The following DOCK11 variants were observed in gnomAD, a reference collection of about 807,000 sequenced individuals.
DOCK11 encodes the protein dedicator of cytokinesis protein 11.
DOCK11 carries 70 observed loss-of-function variants against 169.1 expected under a neutral mutation model. The ratio of observed to expected loss-of-function variants is 0.41; its 90% CI spans 0.34 to 0.51. DOCK11 has a LOEUF of 0.51. DOCK11 is among the 20% of genes least tolerant of loss of function. DOCK11 has a pLI of 0.10. For missense variants in DOCK11, 1,166 were observed against 1,538.8 expected, an observed-to-expected ratio of 0.76 and a Z score of 4.05; for synonymous variants, 529 against 541.3, an observed-to-expected ratio of 0.98 and a Z score of 0.32.
chrX:118,608,184 GAC>G (rs2014583466), intron 25 of DOCK11, 43 bp downstream of exon 25: 1 of 1,191,802 alleles, frequency 8.4e-7, no homozygotes. Flanking sequence ...TGTTTTATGT[GAC>G]AATTTTGTCT....
At chrX:118,598,303 G>A (rs1331164717) in intron 22 of DOCK11, among the ~76,000 whole-genome samples, 187 bp downstream of exon 22, 1 of 110,183 alleles carries the variant, frequency 9.1e-6, no homozygotes, top group Admixed American at 9.7e-5. Context: ...TAAGGCAGGA[G>A]GATTGCTTGA....
chrX:118,547,298 C>T (rs1356865927), intron 6 of DOCK11, among the ~76,000 whole-genome samples: 1 of 111,605 alleles, frequency 9.0e-6, no homozygotes, highest in East Asian at 2.8e-4. Context: ...GGGTATCTAC[C>T]AAGGGAAGAC....
intron 42 of DOCK11, 144 bp downstream of exon 42, chrX:118,652,221 A>G (rs188496520): frequency 7.1e-5 from 29 of 405,624 alleles, no homozygotes; most frequent in African/African-American, 6.3e-4. Flanking sequence ...TTTGTCTTAT[A>G]CATCACTATA....
chrX:118,530,362 A>G (rs1418273406), intron 1 of DOCK11, among the ~76,000 whole-genome samples: 3 of 112,797 alleles, frequency 2.7e-5, no homozygotes, highest in Non-Finnish European at 5.6e-5. Flanking sequence ...ATTAACGTTG[A>G]CCTTCTGGCT....
chrX:118,585,226 C>G, intron 16 of DOCK11, 109 bp downstream of exon 16: 1 of 686,518 alleles, frequency 1.5e-6, no homozygotes, highest in South Asian at 2.7e-5. Flanking sequence ...CCCAGGGTTG[C>G]CATAGCACAA....
In DOCK11 at chrX:118,495,860, G is replaced by C. The variant is rs1424090640; in HGVS notation, c.-112G>C. 9.7e-6 allele frequency: 3 copies of C among 309,100 alleles called. No homozygotes were observed. Among genetic ancestry groups the C allele is most frequent in the East Asian group, 1.1e-4 (1 of 9,096 alleles). 25.5% of individuals were successfully genotyped at this position (309,100 alleles called of 1,213,427 possible). A position where few individuals can be genotyped will look rare whatever the true frequency, so the allele number is the denominator to read the frequency against. ...CGAGCTGCGATGTGGCCGGCCGGCC[G>C]GCGAGTAAACAGAGGGAGCAGCAGC... On this transcript the variant is annotated 5_prime_UTR_variant, in exon 1 of 53. Transcript: ENST00000276202.
At chrX:118,613,838 T>C (rs1482863293) in intron 28 of DOCK11, among the ~76,000 whole-genome samples, 2 of 112,372 alleles carry the variant, frequency 1.8e-5, no homozygotes, top group Non-Finnish European at 3.8e-5. Flanking sequence ...TCTCTCTCTC[T>C]TTTTTTCTGT....
rs370205364 is a variant in DOCK11 at position 118,593,892 on chromosome X, G to A, written c.2263+555G>A. Among the ~76,000 whole-genome samples the A allele has an allele frequency of 3.6e-5, 4 of 112,257 alleles. No homozygotes were observed. The East Asian group carries it at 1.1e-3, about 31-fold the overall frequency. On this transcript the variant is annotated intron_variant, in intron 20 of 52. Coordinates refer to ENST00000276202, the MANE Select transcript of DOCK11 (RefSeq NM_144658.4). The stretch of plus-strand genomic sequence containing the variant: ...ACCAAATATCATTGTCCATATGCTT[G>A]CCAATGTGCTTAGACTACTATAAGC...
rs1399857806 is a variant in DOCK11 at position 118,667,438 on chromosome X, A to G, written c.5077-3585A>G. ...TTTAAGACAGTTTTTTTTTTTTTTAAGACGTACCATTTGGGGAAAAACAAG... is the reference window on the plus strand; with the variant it reads ...TTTAAGACAGTTTTTTTTTTTTTTAGGACGTACCATTTGGGGAAAAACAAG... On this transcript the variant is annotated intron_variant, in intron 45 of 52. Coordinates refer to ENST00000276202, the MANE Select transcript of DOCK11 (RefSeq NM_144658.4). Among the ~76,000 whole-genome samples, 3 of 105,799 alleles carry G rather than the reference A, an allele frequency of 2.8e-5. No individual in the cohort carries two copies. The East Asian group carries it at 8.7e-4, about 31-fold the overall frequency. 91.9% of individuals were successfully genotyped at this position (105,799 alleles called of 115,157 possible).
intron 10 of DOCK11, among the ~76,000 whole-genome samples, chrX:118,569,046 CTTCT>C (rs1222379203): frequency 7.1e-4 from 64 of 89,812 alleles, no homozygotes; most frequent in Middle Eastern, 5.4e-3. Context: ...GTCGTTTTTT[CTTCT>C]TTCTTTCTTT....
At chrX:118,614,601 A>T in intron 28 of DOCK11, 91 bp from the exon 29 acceptor site, 1 of 646,312 alleles carries the variant, frequency 1.5e-6, no homozygotes, top group East Asian at 3.6e-5. Flanking sequence ...TTTGTGTGGA[A>T]CCAATTTTGA....
rs2014465279 is a variant in DOCK11 at position 118,605,268 on chromosome X, A to G, written c.2593A>G (p.Ile865Val). Reference sequence around the variant, plus strand: ...GCATGCCATGGAGATCCAAGTCATGATACAGTTTCTACCTGTAATTCTTAT... The same window carrying G: ...GCATGCCATGGAGATCCAAGTCATGGTACAGTTTCTACCTGTAATTCTTAT... Reference protein sequence around the residue: ...CLHAMEIQVMIQFLPVILMQL... With the variant: ...CLHAMEIQVMVQFLPVILMQL... Residue 865 changes from isoleucine (I) to valine (V), a missense_variant, in exon 24 of 53, where the codon ATA becomes GTA. Coordinates refer to ENST00000276202, the MANE Select transcript of DOCK11 (RefSeq NM_144658.4). The G allele has an allele frequency of 8.4e-7, 1 of 1,194,926 alleles. No homozygotes were observed. Among genetic ancestry groups the G allele is most frequent in the Non-Finnish European group, 1.1e-6 (1 of 887,764 alleles).
At chrX:118,608,800 C>G (rs1333712278) in intron 26 of DOCK11, among the ~76,000 whole-genome samples, 1 of 111,293 alleles carries the variant, frequency 9.0e-6, no homozygotes, top group East Asian at 2.8e-4. Flanking sequence ...TTTCGAGTAT[C>G]TTGGAGTATA....
At position 118,590,310 on chromosome X, in the gene DOCK11, T is replaced by C. The variant is rs757179899; in HGVS notation, c.2139+8T>C. Reference sequence around the variant, plus strand: ...CCAGAGTTCTATGATGAGGTAAAAATATATTATCCTGACATTTCTAAAACA... The same window carrying C: ...CCAGAGTTCTATGATGAGGTAAAAACATATTATCCTGACATTTCTAAAACA... On this transcript the variant is annotated splice_region_variant and intron_variant, in intron 19 of 52. Coordinates refer to ENST00000276202, the MANE Select transcript of DOCK11 (RefSeq NM_144658.4). 1 of 1,151,010 alleles carries C rather than the reference T, an allele frequency of 8.7e-7. No individual in the cohort carries two copies. Among genetic ancestry groups the C allele is most frequent in the Non-Finnish European group, 1.2e-6 (1 of 844,181 alleles). The allele number at this position is 1,151,010 out of a possible 1,213,427, so 94.9% of individuals were successfully genotyped here. A position where few individuals can be genotyped will look rare whatever the true frequency, so the allele number is the denominator to read the frequency against.
intron 37 of DOCK11, among the ~76,000 whole-genome samples, 154 bp downstream of exon 37, chrX:118,638,281 A>G (rs1181513830): frequency 8.9e-6 from 1 of 112,239 alleles, no homozygotes; most frequent in African/African-American, 3.2e-5. Flanking sequence ...GTTTAAACGA[A>G]TGGGAACTTT....
chrX:118,546,004 T>G lies in DOCK11; in HGVS notation c.463-17T>G, dbSNP rs781123492. On this transcript the variant is annotated splice_polypyrimidine_tract_variant and intron_variant, in intron 5 of 52. Transcript: ENST00000276202. ...AGGCTGGCTGTTGTTTTACTGATAA[T>G]TTTTGTTCTATTTCAGGACTCATCT... The G allele has an allele frequency of 1.7e-6, 2 of 1,153,532 alleles. No homozygotes were observed. Among genetic ancestry groups the G allele is most frequent in the Non-Finnish European group, 2.4e-6 (2 of 848,716 alleles).
chrX:118,632,753 T>C (rs779615446), intron 35 of DOCK11: 32 of 110,185 alleles, frequency 2.9e-4, no homozygotes, highest in Non-Finnish European at 5.1e-4. Context: ...TCTCTACTTA[T>C]AGCTGCATTT....
At position 118,615,702 on chromosome X, in the gene DOCK11, C is replaced by T. The variant is rs767641195; in HGVS notation, c.3283C>T (p.Arg1095Trp). The T allele has an allele frequency of 5.8e-6, 7 of 1,197,764 alleles. No individual in the cohort carries two copies. The highest frequency in any genetic ancestry group is 6.8e-6 in the Non-Finnish European group (6 of 885,416). ...PMAFAKPKLQ[R>W]VQDSNLEYSL... ...GGCATTTGCAAAACCTAAACTGCAG[C>T]GGGTTCAAGGCATGTATTTGCATTT... The change falls in exon 30 of 53, where the codon CGG becomes TGG. Residue 1095 changes from arginine (R) to tryptophan (W), a missense_variant. Transcript: ENST00000276202.
At chrX:118,496,265 G>A (rs2147298880) in intron 1 of DOCK11, among the ~76,000 whole-genome samples, 192 bp downstream of exon 1, 1 of 108,888 alleles carries the variant, frequency 9.2e-6, no homozygotes, top group South Asian at 3.9e-4. Context: ...CTCTCCGGCC[G>A]CCCGGCACGG....
Sources: allele counts gnomAD v4.1 joint callset (sites outside exome capture counted in the v4.1 genomes callset), GRCh38; gene constraint gnomAD v4.1.1; transcripts MANE v1.5; gene names NCBI Gene and HGNC (gene_info 2026-07-23, HGNC 2026-07-21).